The following RAVER2 variants were observed in gnomAD, a reference collection of about 807,000 sequenced individuals.
RAVER2 encodes the protein ribonucleoprotein PTB-binding 2.
In RAVER2, 46 loss-of-function variants were observed where a neutral mutation model predicts 78.1. The ratio of observed to expected loss-of-function variants is 0.59; its 90% CI spans 0.46 to 0.75. The LOEUF (loss-of-function observed/expected upper bound fraction) is 0.75. Ranked by LOEUF, RAVER2 falls within the 30% of genes least tolerant of loss-of-function variation. The probability of loss-of-function intolerance (pLI) is 0.00; values close to 1 mark genes in which losing one functional copy is unlikely to be tolerated. For missense variants in RAVER2, 793 were observed against 837.5 expected (o/e 0.95, Z 0.66); for synonymous variants, 311 against 313.3 (o/e 0.99, Z 0.08).
At chr1:64,759,100 T>C (rs1000825999) in intron 1 of RAVER2, among the ~76,000 whole-genome samples, 3 of 151,916 alleles carry the variant, frequency 2.0e-5, no homozygotes, top group African/African-American at 7.2e-5. Context: ...ATTTGAGCTA[T>C]GTAAGTATTT....
At position 64,745,659 on chromosome 1, in the gene RAVER2, C is replaced by T. The variant is rs1651509027; in HGVS notation, c.249+238C>T. 6.6e-6 allele frequency among the ~76,000 whole-genome samples: 1 copy of T among 152,128 alleles called. No individual in the cohort carries two copies. Among genetic ancestry groups the T allele is most frequent in the African/African-American group, 2.4e-5 (1 of 41,440 alleles). On this transcript the variant is annotated intron_variant, in intron 1 of 11. Coordinates refer to ENST00000294428, the Ensembl canonical transcript of RAVER2. This position sits in a 1 kb window ranked among gnomAD's most constrained non-coding sequence, Gnocchi z 4.3. ...AGTGGCGAAGCGGCTTCTCCAAGGT[C>T]ACGGGAATCAGGGGCTGCTGCCTCC... is the stretch of plus-strand genomic sequence containing the variant.
In RAVER2 at chr1:64,814,855, G is replaced by T; in HGVS notation, c.1929+15G>T. On this transcript the variant is annotated intron_variant, in intron 11 of 11. Coordinates refer to ENST00000294428, the Ensembl canonical transcript of RAVER2. ...ATTATGCACAGGTAAATAATTCCCA[G>T]GTTCTGATGATACTCAGAAAAATTG... 2.0e-6 allele frequency: 3 copies of T among 1,521,490 alleles called. No homozygotes were observed. Among genetic ancestry groups the T allele is most frequent in the South Asian group, 1.3e-5 (1 of 74,666 alleles). 94.2% of individuals were successfully genotyped at this position (1,521,490 alleles called of 1,614,324 possible).
rs1353405830 is a variant in RAVER2, at chr1:64,828,479, G to A, written c.1930-2360G>A. Among the ~76,000 whole-genome samples, 3 of 152,224 alleles carry A rather than the reference G, an allele frequency of 2.0e-5. No homozygotes were observed. In the East Asian group the frequency reaches 5.8e-4, roughly 29 times the overall value. ...TTTGTGTTTTGTTGTGGTTGTGGTT[G>A]TGGTTCTTATGTAGGAATTTATTTC... On this transcript the variant is annotated intron_variant, in intron 11 of 11. Coordinates refer to ENST00000294428, the Ensembl canonical transcript of RAVER2.
At chr1:64,767,352 T>TGAGTGTCATCCTTGGAGCCAGACAGATA in intron 1 of RAVER2, among the ~76,000 whole-genome samples, 1 of 152,194 alleles carries the variant, frequency 6.6e-6, no homozygotes, top group Non-Finnish European at 1.5e-5. Context: ...GCATAGAGGT[T>TGAGTGTCATCCTTGGAGCCAGACAGATA]GAGTGTCATC....
chr1:64,811,300 C>T (rs1300538561), intron 9 of RAVER2, among the ~76,000 whole-genome samples: 3 of 152,196 alleles, frequency 2.0e-5, no homozygotes, highest in Admixed American at 6.5e-5. Context: ...CTAATCATCT[C>T]CATGTGAGCC....
chr1:64,755,729 T>G (rs948976630), intron 1 of RAVER2, among the ~76,000 whole-genome samples: 3 of 140,248 alleles, frequency 2.1e-5, no homozygotes, highest in Non-Finnish European at 4.6e-5. Context: ...TCATAGTTTT[T>G]TTTTTTTTTT....
At chr1:64,802,103 A>G (rs1653283488) in intron 5 of RAVER2, among the ~76,000 whole-genome samples, 1 of 152,172 alleles carries the variant, frequency 6.6e-6, no homozygotes, top group Admixed American at 6.5e-5. Context: ...GTAAACTGTC[A>G]TGGTACTGGT....
At chr1:64,832,847 C>CTGAA (rs1553157282) in exon 12 of RAVER2, 1 of 152,234 alleles carries the variant, frequency 6.6e-6, no homozygotes. Context: ...TGCATTCAGC[C>CTGAA]TCTTCAATGC....
chr1:64,815,267 G>A (rs1653728385), intron 11 of RAVER2: 1 of 152,358 alleles, frequency 6.6e-6, no homozygotes, highest in African/African-American at 2.4e-5. Flanking sequence ...GAAAAATGCT[G>A]CTAACCTCTG....
At chr1:64,795,219 G>A (rs183356661) in intron 5 of RAVER2, among the ~76,000 whole-genome samples, 128 of 152,228 alleles carry the variant, frequency 8.4e-4, no homozygotes, top group Admixed American at 1.3e-3. Context: ...CAAAATATAT[G>A]TGTTATAAAT....
In RAVER2 at chr1:64,781,566, C is replaced by T. The variant is rs566293567; in HGVS notation, c.973C>T (p.Arg325Cys). ...ATTAGCAGCATTGATAGCGGCTCAA[C>T]GTGTGGTAAGTTTTTTCTCTTTCTG... is the stretch of plus-strand genomic sequence containing the variant. The change falls in exon 4 of 12, where the codon CGT becomes TGT. Residue 325 changes from arginine to cysteine, a missense_variant. By Grantham distance (180) the Arg-to-Cys change is radical. Coordinates refer to ENST00000294428, the Ensembl canonical transcript of RAVER2. 104 of 1,608,534 alleles carry T rather than the reference C, an allele frequency of 6.5e-5. No individual in the cohort carries two copies. The East Asian group carries it at 1.9e-3, about 29-fold the overall frequency.
In RAVER2 at chr1:64,761,580, TTATC is replaced by T. The variant is rs561897889; in HGVS notation, c.250-7073_250-7070del. 2.8e-4 allele frequency among the ~76,000 whole-genome samples: 43 copies of T among 152,298 alleles called. No individual in the cohort carries two copies. The East Asian group carries it at 7.7e-3, about 27-fold the overall frequency. On this transcript the variant is annotated intron_variant, in intron 1 of 11. Transcript: ENST00000294428. ...AGAAGAATTTCTTCAGACATAAAGA[TTATC>T]TAGAAAAGCCAAAAGCAATCATATT... is the stretch of plus-strand genomic sequence containing the variant.
Position 64,745,328 on chromosome 1 carries a change from G to C in RAVER2, c.156G>C (p.Glu52Asp), listed in dbSNP as rs938088362. Residue 52 changes from glutamate (E) to aspartate (D), a missense_variant, in exon 1 of 12, where the codon GAG becomes GAC. Glu to Asp is a conservative substitution (Grantham distance 45, BLOSUM62 2). Coordinates refer to ENST00000294428, the Ensembl canonical transcript of RAVER2. The surrounding 1 kb of genome is among the most constrained non-coding windows in gnomAD (Gnocchi z 4.3). ...CGATGCCCGCCGCGCTGCACCCTGA[G>C]GAGGTCGCCGCGCGACTGCAGCGGA... is the stretch of plus-strand genomic sequence containing the variant. 5.2e-6 allele frequency: 8 copies of C among 1,538,692 alleles called. No individual in the cohort carries two copies. Among genetic ancestry groups the C allele is most frequent in the Non-Finnish European group, 5.3e-6 (6 of 1,141,560 alleles).
intron 1 of RAVER2, among the ~76,000 whole-genome samples, chr1:64,746,885 C>A (rs1651555101): frequency 6.6e-6 from 1 of 152,124 alleles, no homozygotes; most frequent in Admixed American, 6.5e-5. Flanking sequence ...TTTAAAAAAA[C>A]AAATTTAAAA....
chr1:64,795,871 C>A (rs1653081752), intron 5 of RAVER2, among the ~76,000 whole-genome samples: 1 of 151,986 alleles, frequency 6.6e-6, no homozygotes, highest in African/African-American at 2.4e-5. Context: ...TGCCTCATTT[C>A]TGATCTCATG....
At chr1:64,785,946 C>T (rs965465274) in intron 4 of RAVER2, among the ~76,000 whole-genome samples, 6 of 152,068 alleles carry the variant, frequency 3.9e-5, no homozygotes, top group African/African-American at 1.4e-4. Context: ...CCTTCTAGGG[C>T]ATTTTGAAAG....
chr1:64,811,420 C>T (rs563063503), intron 9 of RAVER2, among the ~76,000 whole-genome samples: 1 of 152,282 alleles, frequency 6.6e-6, no homozygotes, highest in African/African-American at 2.4e-5. Context: ...TAACATCCTA[C>T]AATCCATAAA....
At chr1:64,774,024 GGTT>G (rs1181660074) in intron 2 of RAVER2, among the ~76,000 whole-genome samples, 4 of 151,996 alleles carry the variant, frequency 2.6e-5, no homozygotes, top group African/African-American at 7.3e-5. Flanking sequence ...TTTTTGATGG[GGTT>G]GTTTTTTTCT....
chr1:64,772,736 G>A (rs986301499), intron 2 of RAVER2, among the ~76,000 whole-genome samples: 7 of 152,080 alleles, frequency 4.6e-5, no homozygotes, highest in African/African-American at 1.7e-4. Flanking sequence ...TGTAATATAT[G>A]GATACCTGAA....
Sources: allele counts gnomAD v4.1 joint callset (sites outside exome capture counted in the v4.1 genomes callset), GRCh38; gene constraint gnomAD v4.1.1; non-coding constraint Gnocchi (gnomAD v3.1); transcripts MANE v1.5; gene names NCBI Gene and HGNC (gene_info 2026-07-23, HGNC 2026-07-21).